The following DLG5 variants were observed in gnomAD, a reference collection of about 807,000 sequenced individuals.
DLG5 encodes discs large MAGUK scaffold protein 5, also known as disks large homolog 5.
Under a neutral mutation model 189.8 loss-of-function variants are expected in DLG5, and 48 were observed. The observed-to-expected ratio is 0.25, with a 90% CI of 0.20 to 0.32. The LOEUF (loss-of-function observed/expected upper bound fraction) is 0.32, where lower values mean the gene tolerates loss of function less well. Ranked by LOEUF, DLG5 falls within the 10% of genes least tolerant of loss-of-function variation. The pLI, the probability that DLG5 is intolerant of heterozygous loss-of-function variation, is 1.00. For missense variants in DLG5, 2,160 were observed against 2,544.7 expected, an observed-to-expected ratio of 0.85 and a Z score of 3.25; for synonymous variants, 1,016 against 1,054.1, an observed-to-expected ratio of 0.96 and a Z score of 0.70.
chr10:77,890,330 T>C (rs1845569732), intron 1 of DLG5, among the ~76,000 whole-genome samples: 1 of 152,190 alleles, frequency 6.6e-6, no homozygotes, highest in African/African-American at 2.4e-5. Context: ...AAGCCTCTTG[T>C]GCTCGTCACT....
chr10:77,938,311 G>A, the DLG5 span, among the ~76,000 whole-genome samples: 1 of 152,144 alleles, frequency 6.6e-6, no homozygotes, highest in South Asian at 2.1e-4. Flanking sequence ...GCCGGGCATG[G>A]TCCCAGCTAC....
At position 77,834,691 on chromosome 10, in the gene DLG5, G is replaced by A. The variant is rs370568034; in HGVS notation, c.1623-652C>T. Among the ~76,000 whole-genome samples, 20 of 152,248 alleles carry A rather than the reference G, an allele frequency of 1.3e-4. No homozygotes were observed. The East Asian group carries it at 3.3e-3, about 25-fold the overall frequency. On this transcript the variant is annotated intron_variant, in intron 8 of 31. Coordinates refer to ENST00000372391, the MANE Select transcript of DLG5 (RefSeq NM_004747.4). ...ACCTCCAGAAATGGACATACCCAGAGGACTGGTTCCTACCTCTCCACAGCC... is the reference window on the plus strand; with the variant it reads ...ACCTCCAGAAATGGACATACCCAGAAGACTGGTTCCTACCTCTCCACAGCC...
chr10:77,936,239 A>T, the DLG5 span, among the ~76,000 whole-genome samples: 1 of 152,128 alleles, frequency 6.6e-6, no homozygotes, highest in Non-Finnish European at 1.5e-5. Context: ...GGAGATCGAG[A>T]CCATCCCAGC....
rs1441252742 is a variant in DLG5, at chr10:77,843,432, T to C, written c.1124+15A>G. The C allele has an allele frequency of 3.1e-6, 5 of 1,611,214 alleles. No individual in the cohort carries two copies. The highest frequency in any genetic ancestry group is 1.1e-5 in the South Asian group (1 of 91,052). Reference sequence around the variant, plus strand: ...GGACCCATTTGCCCCCGGCCCCCGATGGCCCTAGCCCTACCTCCTCAGGGA... The same window carrying C: ...GGACCCATTTGCCCCCGGCCCCCGACGGCCCTAGCCCTACCTCCTCAGGGA... On this transcript the variant is annotated intron_variant, in intron 6 of 31. Transcript: ENST00000372391.
At chr10:77,793,478 A>C (rs2812427) in intron 31 of DLG5, 57,040 of 152,528 alleles carry the variant, frequency 0.37, 11,041 homozygotes, top group East Asian at 0.47. Flanking sequence ...AATAGAACCA[A>C]ACTTCACTGA....
At position 77,824,483 on chromosome 10, in the gene DLG5, C is replaced by A. The variant is rs746056476; in HGVS notation, c.2290-7G>T. The A allele has an allele frequency of 1.2e-6, 2 of 1,612,152 alleles. No individual in the cohort carries two copies. Among genetic ancestry groups the A allele is most frequent in the Non-Finnish European group, 1.7e-6 (2 of 1,178,828 alleles). On this transcript the variant is annotated splice_polypyrimidine_tract_variant and splice_region_variant and intron_variant, in intron 13 of 31. Transcript: ENST00000372391. ...CCAGTGCAATGCCATTGATCTAGAG[C>A]AGGACAGAGAGCATGTCAGGCCACA...
At chr10:77,901,114 C>CAAAAA (rs34724408) in intron 1 of DLG5, among the ~76,000 whole-genome samples, 2 of 52,714 alleles carry the variant, frequency 3.8e-5, no homozygotes, top group East Asian at 5.5e-4. Context: ...AACTCCATCT[C>CAAAAA]AAAAAAAAAA....
At chr10:77,831,672 A>C (rs190114171) in intron 9 of DLG5, among the ~76,000 whole-genome samples, 6 of 152,216 alleles carry the variant, frequency 3.9e-5, no homozygotes, top group Admixed American at 1.3e-4. Flanking sequence ...CCAAAGGTGC[A>C]TAAGTTAACA....
At position 77,806,004 on chromosome 10, in the gene DLG5, C is replaced by G; in HGVS notation, c.4968-143G>C. ...TTGGCAGGTCTCAAGGCTACATCTCCTCCCACGCCCCTGGGAACCCTCGGT... is the reference window on the plus strand; with the variant it reads ...TTGGCAGGTCTCAAGGCTACATCTCGTCCCACGCCCCTGGGAACCCTCGGT... On this transcript the variant is annotated intron_variant, in intron 26 of 31. Transcript: ENST00000372391. 3 of 757,202 alleles carry G rather than the reference C, an allele frequency of 4.0e-6. No homozygotes were observed. The South Asian group carries it at 5.8e-5, about 15-fold the overall frequency. 46.9% of individuals were successfully genotyped at this position (757,202 alleles called of 1,614,324 possible). A position where few individuals can be genotyped will look rare whatever the true frequency, so the allele number is the denominator to read the frequency against.
chr10:77,839,951 G>A (rs1222634157), intron 7 of DLG5, among the ~76,000 whole-genome samples: 3 of 152,200 alleles, frequency 2.0e-5, no homozygotes, highest in African/African-American at 4.8e-5. Context: ...AATCCTAACA[G>A]AGGAGTAAGA....
At chr10:77,841,149 G>A (rs1160463988) in intron 7 of DLG5, among the ~76,000 whole-genome samples, 1 of 152,198 alleles carries the variant, frequency 6.6e-6, no homozygotes, top group Non-Finnish European at 1.5e-5. Flanking sequence ...ACAGACTGAA[G>A]GGAATCTCCA....
intron 1 of DLG5, among the ~76,000 whole-genome samples, chr10:77,870,863 A>G (rs2154577110): frequency 6.6e-6 from 1 of 152,206 alleles, no homozygotes; most frequent in African/African-American, 2.4e-5. Context: ...TTGAGGGGAA[A>G]GCAGGGAGAC....
intron 3 of DLG5, among the ~76,000 whole-genome samples, chr10:77,855,620 T>C (rs1218988779): frequency 6.6e-6 from 1 of 152,218 alleles, no homozygotes; most frequent in East Asian, 1.9e-4. Context: ...CCGTGGGCCA[T>C]AGTGTGCCAA....
intron 13 of DLG5, among the ~76,000 whole-genome samples, chr10:77,825,009 A>G (rs1467127155): frequency 1.3e-5 from 2 of 152,194 alleles, no homozygotes; most frequent in Admixed American, 6.5e-5. Flanking sequence ...CTTAAGAAGT[A>G]TATGTGCAAC....
chr10:77,910,205 A>C (rs1051527662), intron 1 of DLG5, among the ~76,000 whole-genome samples: 1 of 152,198 alleles, frequency 6.6e-6, no homozygotes, highest in African/African-American at 2.4e-5. Context: ...GGCTCAGACC[A>C]CAGAAATGGT....
chr10:77,896,363 G>A (rs141196402), intron 1 of DLG5, among the ~76,000 whole-genome samples: 1 of 152,144 alleles, frequency 6.6e-6, no homozygotes, highest in East Asian at 1.9e-4. Context: ...TAGACTAGAG[G>A]ATATAATTGC....
chr10:77,919,704 C>T (rs1002369376), intron 1 of DLG5, among the ~76,000 whole-genome samples: 3 of 149,642 alleles, frequency 2.0e-5, no homozygotes, highest in Middle Eastern at 3.5e-3. Flanking sequence ...TCTTAGACAG[C>T]GTGGGTGCTC....
the DLG5 span, among the ~76,000 whole-genome samples, chr10:77,940,218 C>G: frequency 6.6e-6 from 1 of 152,204 alleles, no homozygotes; most frequent in Non-Finnish European, 1.5e-5. Flanking sequence ...CTGATGTCAA[C>G]AGCCTCCAAT....
At chr10:77,887,067 C>A (rs1380625007) in intron 1 of DLG5, among the ~76,000 whole-genome samples, 1 of 152,172 alleles carries the variant, frequency 6.6e-6, no homozygotes, top group Non-Finnish European at 1.5e-5. Context: ...CAGTTGCAAC[C>A]ATTTACCCAT....
Sources: allele counts gnomAD v4.1 joint callset (sites outside exome capture counted in the v4.1 genomes callset), GRCh38; gene constraint gnomAD v4.1.1; transcripts MANE v1.5; gene names NCBI Gene and HGNC (gene_info 2026-07-23, HGNC 2026-07-21).